RAP1GDS1: variants seen among roughly 807,000 people sequenced by gnomAD.
RAP1GDS1 encodes Rap1 GTPase-GDP dissociation stimulator 1.
RAP1GDS1 carries 35 observed loss-of-function variants against 71.1 expected under a neutral mutation model. The observed-to-expected ratio is 0.49, with a 90% CI of 0.38 to 0.65. The LOEUF (loss-of-function observed/expected upper bound fraction) is 0.65, where lower values mean the gene tolerates loss of function less well. Among genes scored for constraint, RAP1GDS1 ranks in the 30% least tolerant of loss-of-function variants. The pLI is 0.00. For synonymous variants in RAP1GDS1, 229 were observed against 243.1 expected (o/e 0.94, Z 0.54); for missense variants, 663 against 706.1 (o/e 0.94, Z 0.69).
chr4:98,269,929 A>C (rs189738854), intron 1 of RAP1GDS1, among the ~76,000 whole-genome samples: 12 of 152,180 alleles, frequency 7.9e-5, no homozygotes, highest in Non-Finnish European at 1.8e-4. Flanking sequence ...TTATTGTCTC[A>C]GTCCATTTTG....
chr4:98,353,835 T>C lies in RAP1GDS1; in HGVS notation c.361+1234T>C, dbSNP rs577853290. Among the ~76,000 whole-genome samples, 4 of 152,290 alleles carry C rather than the reference T, an allele frequency of 2.6e-5. No individual in the cohort carries two copies. In the South Asian group the frequency reaches 8.3e-4, roughly 32 times the overall value. On this transcript the variant is annotated intron_variant, in intron 4 of 14. Coordinates refer to ENST00000408927, the MANE Select transcript of RAP1GDS1 (RefSeq NM_001100427.2). ...TTATGTTTATAATTTTGTGTTTTCA[T>C]ATTTAGGATTTTTATTAAGCACCAT...
chr4:98,347,475 T>A (rs940784106), intron 3 of RAP1GDS1, among the ~76,000 whole-genome samples: 9 of 152,220 alleles, frequency 5.9e-5, no homozygotes. Context: ...ACCTATTCCT[T>A]AAACCTCTGT....
At chr4:98,289,554 C>CAAAAAAA (rs6148589) in intron 1 of RAP1GDS1, among the ~76,000 whole-genome samples, 66 of 101,964 alleles carry the variant, frequency 6.5e-4, no homozygotes, top group African/African-American at 1.4e-3. Context: ...CTCTGGTAAA[C>CAAAAAAA]AAAAAAAAAA....
intron 2 of RAP1GDS1, among the ~76,000 whole-genome samples, chr4:98,303,865 CT>C (rs1325365298): frequency 6.6e-6 from 1 of 151,990 alleles, no homozygotes; most frequent in Non-Finnish European, 1.5e-5. Flanking sequence ...CCATAACCCC[CT>C]CTACAGACCC....
At chr4:98,405,571 G>A (rs1745997624) in intron 7 of RAP1GDS1, among the ~76,000 whole-genome samples, 1 of 151,948 alleles carries the variant, frequency 6.6e-6, no homozygotes. Context: ...AAGAAATTTT[G>A]GCAGAGAATT....
chr4:98,367,467 G>A (rs1182235319), intron 4 of RAP1GDS1, among the ~76,000 whole-genome samples: 3 of 152,194 alleles, frequency 2.0e-5, no homozygotes, highest in Admixed American at 2.0e-4. Context: ...ATCACATAAT[G>A]GAGCTGTGAG....
chr4:98,367,445 C>T (rs528502454), intron 4 of RAP1GDS1, among the ~76,000 whole-genome samples: 5 of 152,302 alleles, frequency 3.3e-5, no homozygotes, highest in African/African-American at 1.2e-4. Context: ...CGCACAGAGT[C>T]CCTACTGGGG....
At chr4:98,313,063 T>G (rs1730473682) in intron 2 of RAP1GDS1, among the ~76,000 whole-genome samples, 2 of 100,924 alleles carry the variant, frequency 2.0e-5, no homozygotes, top group African/African-American at 4.6e-5. Context: ...AGCAAGACTC[T>G]GTCTCAAAAA....
At chr4:98,434,615 A>G (rs1261800987) in intron 13 of RAP1GDS1, among the ~76,000 whole-genome samples, 1 of 146,850 alleles carries the variant, frequency 6.8e-6, no homozygotes, top group South Asian at 2.1e-4. Context: ...TCAGTTTAAC[A>G]TAGCTTTTTT....
chr4:98,328,678 G>A (rs10212883), intron 2 of RAP1GDS1, among the ~76,000 whole-genome samples: 6,679 of 152,124 alleles, frequency 0.044, 350 homozygotes, highest in African/African-American at 0.13. Flanking sequence ...TATAGTCATC[G>A]TGATTTATTT....
At chr4:98,296,186 T>C (rs928829655) in intron 2 of RAP1GDS1, among the ~76,000 whole-genome samples, 3 of 152,114 alleles carry the variant, frequency 2.0e-5, no homozygotes, top group Non-Finnish European at 4.4e-5. Context: ...AAATATAAGA[T>C]GGTAATGTAT....
intron 1 of RAP1GDS1, among the ~76,000 whole-genome samples, chr4:98,286,344 G>C (rs112149840): frequency 0.013 from 1,902 of 151,712 alleles, 18 homozygotes; most frequent in Non-Finnish European, 0.02. Context: ...CACAATGTAT[G>C]TGATTAGGCT....
At chr4:98,428,206 A>T (rs551650263) in intron 12 of RAP1GDS1, among the ~76,000 whole-genome samples, 1 of 152,306 alleles carries the variant, frequency 6.6e-6, no homozygotes, top group South Asian at 2.1e-4. Flanking sequence ...TCAACTTGAG[A>T]TGGATCAAGG....
intron 2 of RAP1GDS1, among the ~76,000 whole-genome samples, chr4:98,320,559 C>T (rs995068182): frequency 1.3e-5 from 2 of 151,960 alleles, no homozygotes; most frequent in African/African-American, 2.4e-5. Context: ...TCTCCCAGCA[C>T]GCAGCTGGAG....
chr4:98,351,326 G>A lies in RAP1GDS1; in HGVS notation c.236-1150G>A, dbSNP rs190114408. Among the ~76,000 whole-genome samples, 12 of 152,268 alleles carry A rather than the reference G, an allele frequency of 7.9e-5. No individual in the cohort carries two copies. The East Asian group carries it at 2.3e-3, about 29-fold the overall frequency. On this transcript the variant is annotated intron_variant, in intron 3 of 14. Transcript: ENST00000408927. Reference sequence around the variant, plus strand: ...GAATTAATTCATTTATTTCGGGACAGAGGAATACCTCTGTGATTTACAGCT... The same window carrying A: ...GAATTAATTCATTTATTTCGGGACAAAGGAATACCTCTGTGATTTACAGCT...
intron 6 of RAP1GDS1, among the ~76,000 whole-genome samples, chr4:98,404,196 T>G (rs1300084645): frequency 6.6e-6 from 1 of 152,198 alleles, no homozygotes; most frequent in East Asian, 1.9e-4. Flanking sequence ...TTTCTTTGAC[T>G]AAAATCCTTA....
In RAP1GDS1 at chr4:98,418,528, A is replaced by G. The variant is rs1748333879; in HGVS notation, c.1040-129A>G. On this transcript the variant is annotated intron_variant, in intron 9 of 14. Coordinates refer to ENST00000408927, the MANE Select transcript of RAP1GDS1 (RefSeq NM_001100427.2). ...GAAAAACCTATAAATCTGATGGGAG[A>G]AAGATTTGGAATTCATTTTATTGTA... 13 of 872,948 alleles carry G rather than the reference A, an allele frequency of 1.5e-5. No homozygotes were observed. In the South Asian group the frequency reaches 5.5e-4, roughly 37 times the overall value. The allele number at this position is 872,948 out of a possible 1,614,324, so 54.1% of individuals were successfully genotyped here.
chr4:98,287,930 T>C (rs1198455139), intron 1 of RAP1GDS1, among the ~76,000 whole-genome samples: 2 of 152,200 alleles, frequency 1.3e-5, no homozygotes, highest in African/African-American at 2.4e-5. Context: ...TAGTTTCATA[T>C]TCTTTTTAAT....
intron 2 of RAP1GDS1, among the ~76,000 whole-genome samples, chr4:98,325,059 TCAAA>T (rs1243110553): frequency 4.3e-4 from 65 of 150,848 alleles, no homozygotes; most frequent in Non-Finnish European, 1.2e-4. Flanking sequence ...TACAATGAAC[TCAAA>T]CAAATTTACA....
Sources: allele counts gnomAD v4.1 joint callset (sites outside exome capture counted in the v4.1 genomes callset), GRCh38; gene constraint gnomAD v4.1.1; transcripts MANE v1.5; gene names NCBI Gene and HGNC (gene_info 2026-07-23, HGNC 2026-07-21).